Variants in PKHD1 observed in about 807,000 individuals in gnomAD.
The protein encoded by PKHD1 is fibrocystin.
A neutral mutation model predicts 412.0 loss-of-function variants in PKHD1; 291 were observed. The observed-to-expected ratio is 0.71, with a 90% CI of 0.64 to 0.78. The LOEUF (loss-of-function observed/expected upper bound fraction) is 0.78, where lower values mean the gene tolerates loss of function less well. Among genes scored for constraint, PKHD1 ranks in the 30% least tolerant of loss-of-function variants. The probability of loss-of-function intolerance (pLI) is 0.00; values close to 1 mark genes in which losing one functional copy is unlikely to be tolerated. For synonymous variants in PKHD1, 1,777 were observed against 1,821.5 expected (o/e 0.98, Z 0.62); for missense variants, 4,825 against 4,950.7 (o/e 0.97, Z 0.76).
intron 60 of PKHD1, among the ~76,000 whole-genome samples, chr6:51,711,626 T>C (rs78710288): frequency 0.031 from 4,747 of 152,214 alleles, 242 homozygotes; most frequent in African/African-American, 0.11. Flanking sequence ...GTCAGGCTCC[T>C]TGAGTTGGAA....
At chr6:51,665,694 A>C (rs984278470) in intron 60 of PKHD1, among the ~76,000 whole-genome samples, 4 of 152,156 alleles carry the variant, frequency 2.6e-5, no homozygotes, top group African/African-American at 9.7e-5. Flanking sequence ...AGTCTCTTAA[A>C]ATGTACATTT....
At chr6:51,698,924 T>C (rs1228652974) in intron 60 of PKHD1, among the ~76,000 whole-genome samples, 5 of 152,200 alleles carry the variant, frequency 3.3e-5, no homozygotes, top group African/African-American at 7.2e-5. Context: ...TAAAAAATTA[T>C]ACTGTAGCTG....
At chr6:52,065,404 T>C (rs779395399) in intron 12 of PKHD1, among the ~76,000 whole-genome samples, 6 of 151,878 alleles carry the variant, frequency 4.0e-5, no homozygotes, top group Admixed American at 6.6e-5. Flanking sequence ...GTGCTCTTCA[T>C]TGGGGACGTA....
chr6:51,751,655 T>C (rs1240888576), intron 57 of PKHD1, among the ~76,000 whole-genome samples: 1 of 152,152 alleles, frequency 6.6e-6, no homozygotes. Context: ...TTACTCTTCA[T>C]TAATATTTTT....
At chr6:52,006,436 G>T (rs892852308) in intron 35 of PKHD1, among the ~76,000 whole-genome samples, 1 of 151,896 alleles carries the variant, frequency 6.6e-6, no homozygotes, top group Non-Finnish European at 1.5e-5. Context: ...GAGCACATTC[G>T]CAAAATCCTG....
intron 60 of PKHD1, among the ~76,000 whole-genome samples, chr6:51,668,454 A>G (rs1199349877): frequency 6.6e-6 from 1 of 152,196 alleles, no homozygotes; most frequent in Non-Finnish European, 1.5e-5. Flanking sequence ...GGCTAAGACA[A>G]TGGGGTTTTC....
At chr6:51,749,862 G>A (rs1785799685) in intron 57 of PKHD1, among the ~76,000 whole-genome samples, 1 of 152,076 alleles carries the variant, frequency 6.6e-6, no homozygotes, top group Non-Finnish European at 1.5e-5. Flanking sequence ...AATTAGTTGT[G>A]TGTCCTTTGC....
intron 33 of PKHD1, among the ~76,000 whole-genome samples, chr6:52,017,841 C>T (rs1300856317): frequency 6.6e-6 from 1 of 152,084 alleles, no homozygotes; most frequent in Non-Finnish European, 1.5e-5. Flanking sequence ...ATAAAAAAAA[C>T]TCAAGTGAAT....
intron 43 of PKHD1, among the ~76,000 whole-genome samples, chr6:51,895,302 C>A (rs1321498265): frequency 6.6e-6 from 1 of 152,096 alleles, no homozygotes; most frequent in Admixed American, 6.5e-5. Flanking sequence ...CAGTTACCAC[C>A]TATGTCTTTA....
chr6:51,757,613 T>A (rs1321912319), intron 55 of PKHD1, among the ~76,000 whole-genome samples: 1 of 152,010 alleles, frequency 6.6e-6, no homozygotes, highest in African/African-American at 2.4e-5. Flanking sequence ...CAATTTGACA[T>A]AAAAAATGCT....
intron 52 of PKHD1, among the ~76,000 whole-genome samples, chr6:51,795,132 A>G (rs1336420639): frequency 2.0e-5 from 3 of 152,320 alleles, no homozygotes; most frequent in Non-Finnish European, 4.4e-5. Context: ...GGCCATTTTC[A>G]TGATACTGAT....
chr6:51,714,656 AC>A (rs1413231490), intron 60 of PKHD1, among the ~76,000 whole-genome samples: 1 of 152,204 alleles, frequency 6.6e-6, no homozygotes, highest in African/African-American at 2.4e-5. Context: ...CATGCTCAAT[AC>A]CTACCTGTGG....
intron 35 of PKHD1, among the ~76,000 whole-genome samples, chr6:51,979,293 C>T (rs1794844862): frequency 6.6e-6 from 1 of 152,156 alleles, no homozygotes; most frequent in Admixed American, 6.5e-5. Flanking sequence ...TGACTGTAGG[C>T]TCCATGAGAA....
chr6:51,659,146 T>C lies in PKHD1; in HGVS notation c.10980A>G (p.Lys3660=). The stretch of plus-strand genomic sequence containing the variant: ...AATCACCAATTTCAATGACAATCAC[T>C]TTTGAGATAGTTTCCACAGTCATTG... ...SPPMTVETIS[K]VIVIEIGDSP... is the part of the protein sequence containing the mutation. Residue 3660 remains lysine, a synonymous_variant, in exon 61 of 67, where the codon AAA becomes AAG. Transcript: ENST00000371117. The C allele has an allele frequency of 6.2e-7, 1 of 1,613,864 alleles. No homozygotes were observed.
chr6:51,909,550 G>A, intron 39 of PKHD1, 76 bp from the exon 40 acceptor site: 1 of 1,118,266 alleles, frequency 8.9e-7, no homozygotes, highest in Non-Finnish European at 1.4e-6. Flanking sequence ...AGTTTGAAAG[G>A]TACTGTCAGC....
Position 51,934,177 on chromosome 6 carries a change from G to A in PKHD1, c.6054C>T (p.Tyr2018=), listed in dbSNP as rs774944622. Residue 2018 remains tyrosine (Y), a synonymous_variant, in exon 37 of 67, where the codon TAC becomes TAT. Transcript: ENST00000371117. ...RAQITLYGSS[Y]STPFFPYGVK... is the part of the protein sequence containing the mutation. ...CTCCATAGGGAAAGAAGGGAGTTGA[G>A]TAGGAACTCCCGTAGAGTGTGATCT... 1.6e-5 allele frequency: 26 copies of A among 1,613,494 alleles called. No homozygotes were observed. In the East Asian group the frequency reaches 5.6e-4, roughly 35 times the overall value.
At chr6:51,880,881 G>A (rs1385284458) in intron 46 of PKHD1, among the ~76,000 whole-genome samples, 8 of 147,962 alleles carry the variant, frequency 5.4e-5, no homozygotes, top group African/African-American at 1.7e-4. Context: ...CAGGAGAATG[G>A]CGTGAACCCG....
chr6:51,694,235 C>G (rs905454038), intron 60 of PKHD1, among the ~76,000 whole-genome samples: 5 of 151,956 alleles, frequency 3.3e-5, no homozygotes, highest in African/African-American at 1.2e-4. Context: ...CAAAAAAATT[C>G]TACTACATTC....
At chr6:51,782,082 T>G (rs1392570005) in intron 53 of PKHD1, among the ~76,000 whole-genome samples, 1 of 151,704 alleles carries the variant, frequency 6.6e-6, no homozygotes, top group Non-Finnish European at 1.5e-5. Context: ...ACTAAATAAA[T>G]CCTTAAGAAA....
Sources: allele counts gnomAD v4.1 joint callset (sites outside exome capture counted in the v4.1 genomes callset), GRCh38; gene constraint gnomAD v4.1.1; transcripts MANE v1.5; gene names NCBI Gene and HGNC (gene_info 2026-07-23, HGNC 2026-07-21).